The following LRRIQ1 variants were observed in gnomAD, a reference collection of about 807,000 sequenced individuals.
The protein encoded by LRRIQ1 is leucine rich repeats and IQ motif containing 1.
In LRRIQ1, 210 loss-of-function variants were observed where a neutral mutation model predicts 211.9. That is an observed-to-expected ratio of 0.99 (90% confidence interval 0.89 to 1.11). The LOEUF is 1.11. Ranked by LOEUF, LRRIQ1 falls within the 50% of genes most tolerant of loss-of-function variation. The pLI is 0.00. For synonymous variants in LRRIQ1, 699 were observed against 650.1 expected (o/e 1.08, Z -1.14); for missense variants, 2,136 against 1,939.5 (o/e 1.10, Z -1.90).
At chr12:85,204,372 C>A (rs528119082) in intron 24 of LRRIQ1, among the ~76,000 whole-genome samples, 3 of 152,316 alleles carry the variant, frequency 2.0e-5, no homozygotes, top group Non-Finnish European at 4.4e-5. Context: ...CCTACTGGGG[C>A]ACCACCTAGT....
intron 17 of LRRIQ1, chr12:85,124,811 G>A (rs1888255951): frequency 3.7e-6 from 1 of 273,776 alleles, no homozygotes; most frequent in Non-Finnish European, 6.9e-6. Flanking sequence ...ATGTTTTAAG[G>A]AGAAATAAAA....
chr12:85,268,665 A>G (rs1470193345), downstream of LRRIQ1, among the ~76,000 whole-genome samples: 1 of 146,074 alleles, frequency 6.8e-6, no homozygotes, highest in African/African-American at 2.7e-5. Flanking sequence ...ATCTGTAACT[A>G]TGTAGCTACA....
intron 24 of LRRIQ1, among the ~76,000 whole-genome samples, chr12:85,169,820 A>G (rs1320681060): frequency 6.6e-6 from 1 of 152,130 alleles, no homozygotes; most frequent in African/African-American, 2.4e-5. Context: ...ATGGAAGGAG[A>G]GCCATGTCAG....
intron 4 of LRRIQ1, among the ~76,000 whole-genome samples, chr12:85,045,163 T>C (rs1008411119): frequency 2.0e-5 from 3 of 151,936 alleles, no homozygotes; most frequent in Non-Finnish European, 4.4e-5. Context: ...TTGTACTATG[T>C]TCCTGCAGAG....
intron 8 of LRRIQ1, among the ~76,000 whole-genome samples, chr12:85,058,738 G>A (rs1443596253): frequency 6.6e-6 from 1 of 151,888 alleles, no homozygotes; most frequent in Admixed American, 6.6e-5. Flanking sequence ...AAAATCTATA[G>A]AATACCTGAA....
chr12:85,142,279 G>T (rs1013861854), intron 19 of LRRIQ1, among the ~76,000 whole-genome samples: 1 of 151,016 alleles, frequency 6.6e-6, no homozygotes, highest in Non-Finnish European at 1.5e-5. Context: ...TTTCTTTATT[G>T]CCCTGCTTGG....
intron 24 of LRRIQ1, among the ~76,000 whole-genome samples, chr12:85,163,556 A>T (rs1378027074): frequency 6.6e-6 from 1 of 152,112 alleles, no homozygotes; most frequent in African/African-American, 2.4e-5. Flanking sequence ...ATAAATTTAA[A>T]AAAAAATTAC....
chr12:85,121,667 G>A, intron 15 of LRRIQ1, 30 bp from the exon 16 acceptor site: 1 of 1,511,834 alleles, frequency 6.6e-7, no homozygotes, highest in Non-Finnish European at 8.9e-7. Context: ...TCAAGATCAG[G>A]ATTATTAACT....
At chr12:85,095,439 C>G (rs191476629) in intron 11 of LRRIQ1, among the ~76,000 whole-genome samples, 1 of 152,252 alleles carries the variant, frequency 6.6e-6, no homozygotes, top group African/African-American at 2.4e-5. Flanking sequence ...TGTATTAAAA[C>G]AGTCTGGCAT....
rs1892674182 is a variant in LRRIQ1 at position 85,193,029 on chromosome 12, T to C, written c.4822+32315T>C. On this transcript the variant is annotated intron_variant, in intron 24 of 26. Coordinates refer to ENST00000393217, the MANE Select transcript of LRRIQ1 (RefSeq NM_001079910.2). ...AATATATAATTATATAATATATTTA[T>C]TATATTATATTTATAATAAATATAA... Among the ~76,000 whole-genome samples, 3 of 102,292 alleles carry C rather than the reference T, an allele frequency of 2.9e-5. No individual in the cohort carries two copies. In the South Asian group the frequency reaches 8.2e-4, roughly 28 times the overall value. The allele number at this position is 102,292 out of a possible 152,430, so 67.1% of individuals were successfully genotyped here. A position where few individuals can be genotyped will look rare whatever the true frequency, so the allele number is the denominator to read the frequency against.
At chr12:85,086,935 C>T (rs1403907266) in intron 11 of LRRIQ1, among the ~76,000 whole-genome samples, 1 of 149,230 alleles carries the variant, frequency 6.7e-6, no homozygotes, top group African/African-American at 2.5e-5. Context: ...GATTGTTCTT[C>T]ATTATTATTA....
At chr12:85,231,187 A>G (rs374229553) in intron 25 of LRRIQ1, among the ~76,000 whole-genome samples, 4 of 152,238 alleles carry the variant, frequency 2.6e-5, no homozygotes, top group Admixed American at 1.3e-4. Flanking sequence ...AACTTAGTTT[A>G]ACAGCAAGTC....
rs535502546 is a variant in LRRIQ1 at position 85,153,716 on chromosome 12, G to T, written c.4595G>T (p.Ser1532Ile). The T allele has an allele frequency of 2.5e-6, 4 of 1,584,286 alleles. No individual in the cohort carries two copies. The highest frequency in any genetic ancestry group is 1.2e-5 in the South Asian group (1 of 85,362). The change falls in exon 22 of 27, where the codon AGT (serine) becomes ATT (isoleucine). Residue 1532 changes from serine (S) to isoleucine (I), a missense_variant. By Grantham distance (142) the Ser-to-Ile change is moderately radical. Coordinates refer to ENST00000393217, the MANE Select transcript of LRRIQ1 (RefSeq NM_001079910.2). ...WTPESKTSRK[S>I]LLKSEKEKKI... ...CCTGAATCAAAGACCAGTAGAAAGA[G>T]TTTGCTAAAATCTGAAAAAGAAAAA... is the stretch of plus-strand genomic sequence containing the variant.
In LRRIQ1 at chr12:85,055,646, A is replaced by C. The variant is rs766933594; in HGVS notation, c.853A>C (p.Asn285His). 4 of 1,600,376 alleles carry C rather than the reference A, an allele frequency of 2.5e-6. No individual in the cohort carries two copies. In the Admixed American group the frequency reaches 7.0e-5, roughly 28 times the overall value. ...AAATTCTTTGTTAAAACAGCAGAAT[A>C]ATGCAGCTGTTAAAATTCAAGCTAA... is the stretch of plus-strand genomic sequence containing the variant. ...EKNSLLKQQN[N>H]AAVKIQAKYK... Residue 285 changes from asparagine (N) to histidine (H), a missense_variant, in exon 8 of 27, where the codon AAT becomes CAT. By Grantham distance (68) the Asn-to-His change is moderately conservative (BLOSUM62 1). Coordinates refer to ENST00000393217, the MANE Select transcript of LRRIQ1 (RefSeq NM_001079910.2).
At chr12:85,218,108 C>G (rs565144819) in intron 24 of LRRIQ1, among the ~76,000 whole-genome samples, 15 of 152,086 alleles carry the variant, frequency 9.9e-5, no homozygotes, top group Admixed American at 5.2e-4. Flanking sequence ...ACCATCTACT[C>G]TTCTTATCGT....
chr12:85,230,501 T>C (rs1370889471), intron 25 of LRRIQ1, among the ~76,000 whole-genome samples: 1 of 152,188 alleles, frequency 6.6e-6, no homozygotes, highest in Non-Finnish European at 1.5e-5. Context: ...TATGATCTTA[T>C]CTACCTTATT....
intron 26 of LRRIQ1, among the ~76,000 whole-genome samples, chr12:85,238,039 G>A (rs1474071717): frequency 6.6e-6 from 1 of 151,726 alleles, no homozygotes; most frequent in Non-Finnish European, 1.5e-5. Flanking sequence ...AAATGTTGAG[G>A]AAACAGATTG....
At chr12:85,184,629 C>T (rs1457483940) in intron 24 of LRRIQ1, among the ~76,000 whole-genome samples, 2 of 151,880 alleles carry the variant, frequency 1.3e-5, no homozygotes, top group South Asian at 2.1e-4. Context: ...ATGCCTTTGG[C>T]GATTGGATTA....
chr12:85,183,314 T>A lies in LRRIQ1; in HGVS notation c.4822+22600T>A, dbSNP rs556599079. 1.1e-4 allele frequency among the ~76,000 whole-genome samples: 16 copies of A among 152,230 alleles called. No individual in the cohort carries two copies. In the South Asian group the frequency reaches 2.1e-3, roughly 20 times the overall value. On this transcript the variant is annotated intron_variant, in intron 24 of 26. Transcript: ENST00000393217. ...TTTTCTTCTATCACTTTTCATACAT[T>A]TTTGAAGTGTTTTTTCCAGCGACAA... is the stretch of plus-strand genomic sequence containing the variant.
Sources: gnomAD v4.1 joint callset for allele counts (sites outside exome capture counted in the v4.1 genomes callset) on GRCh38, gnomAD v4.1.1 for gene constraint, MANE v1.5 for transcripts, NCBI Gene and HGNC (gene_info 2026-07-23, HGNC 2026-07-21) for gene names.